Variants in GTF3C1 observed in about 807,000 individuals in gnomAD.
The protein encoded by GTF3C1 is general transcription factor IIIC subunit 1, also known as general transcription factor 3C polypeptide 1.
Under a neutral mutation model 226.7 loss-of-function variants are expected in GTF3C1, and 57 were observed. That is an observed-to-expected ratio of 0.25 (90% confidence interval 0.20 to 0.31). The LOEUF is 0.31. GTF3C1 is among the 10% of genes least tolerant of loss of function. GTF3C1 has a pLI of 1.00. For synonymous variants in GTF3C1, 1,090 were observed against 1,084.8 expected, an observed-to-expected ratio of 1.00 and a Z score of -0.09; for missense variants, 2,217 against 2,776.1, an observed-to-expected ratio of 0.80 and a Z score of 4.53.
chr16:27,497,881 C>T, intron 13 of GTF3C1, 60 bp from the exon 14 acceptor site: 1 of 1,379,742 alleles, frequency 7.2e-7, no homozygotes, highest in East Asian at 2.3e-5. Context: ...AGAGAAAGGA[C>T]AGAGTCTGTC....
chr16:27,534,216 T>A (rs1166303415), intron 4 of GTF3C1, among the ~76,000 whole-genome samples: 2 of 152,236 alleles, frequency 1.3e-5, no homozygotes, highest in African/African-American at 2.4e-5. Context: ...CCATCTCATT[T>A]CTACCGTGAA....
chr16:27,514,364 G>A (rs545003158), intron 6 of GTF3C1, among the ~76,000 whole-genome samples: 87 of 152,334 alleles, frequency 5.7e-4, no homozygotes, highest in African/African-American at 1.9e-3. Flanking sequence ...ATCAGGAGGG[G>A]AAGTATGGGG....
chr16:27,470,353 T>C lies in GTF3C1; in HGVS notation c.4569A>G (p.Ser1523=), dbSNP rs757671345. The C allele has an allele frequency of 6.2e-7, 1 of 1,614,110 alleles. No homozygotes were observed. The highest frequency in any genetic ancestry group is 2.2e-5 in the East Asian group (1 of 44,886). Residue 1523 remains serine (S), a synonymous_variant, in exon 31 of 37, where the codon TCA becomes TCG. Coordinates refer to ENST00000356183, the MANE Select transcript of GTF3C1 (RefSeq NM_001520.4). This position sits in a 1 kb window ranked among gnomAD's most constrained non-coding sequence, Gnocchi z 4.9. The part of the protein sequence containing the change: ...WRFPSTICTE[S]FQFLDRMRAA... Reference sequence around the variant, plus strand: ...CCCGCATTCTGTCCAAAAACTGGAATGACTCCGTGCAGATGGTGCTTGGAA... The same window carrying C: ...CCCGCATTCTGTCCAAAAACTGGAACGACTCCGTGCAGATGGTGCTTGGAA...
chr16:27,532,250 G>A (rs964283438), intron 5 of GTF3C1, among the ~76,000 whole-genome samples: 1 of 152,196 alleles, frequency 6.6e-6, no homozygotes, highest in African/African-American at 2.4e-5. Flanking sequence ...GCTTAGGCAG[G>A]CAGTGAATCT....
chr16:27,488,445 C>G (rs1567393571), intron 22 of GTF3C1, 30 bp from the exon 23 acceptor site: 1 of 1,585,430 alleles, frequency 6.3e-7, no homozygotes, highest in Non-Finnish European at 8.7e-7. Context: ...ACAACAGTTT[C>G]AGGACGAGTG....
At chr16:27,493,743 C>T (rs2088268566) in intron 16 of GTF3C1, among the ~76,000 whole-genome samples, 1 of 152,010 alleles carries the variant, frequency 6.6e-6, no homozygotes. Context: ...AATACCTACT[C>T]AACAGTAGTA....
intron 7 of GTF3C1, 55 bp downstream of exon 7, chr16:27,511,691 GCTT>G: frequency 6.4e-7 from 1 of 1,570,016 alleles, no homozygotes; most frequent in Non-Finnish European, 8.7e-7. Flanking sequence ...TGGGCAAAGC[GCTT>G]CTTGACTCAA....
intron 7 of GTF3C1, among the ~76,000 whole-genome samples, chr16:27,509,601 CA>C (rs1180297267): frequency 6.6e-6 from 1 of 151,166 alleles, no homozygotes; most frequent in Non-Finnish European, 1.5e-5. Context: ...ACTAAAAATA[CA>C]AAAAAATTAG....
intron 19 of GTF3C1, among the ~76,000 whole-genome samples, chr16:27,490,199 C>T (rs2088212434): frequency 6.6e-6 from 1 of 152,230 alleles, no homozygotes; most frequent in African/African-American, 2.4e-5. Flanking sequence ...CTGCACGCAG[C>T]AGGCCTGGGC....
chr16:27,464,192 G>T, intron 34 of GTF3C1, 128 bp downstream of exon 34: 1 of 535,924 alleles, frequency 1.9e-6, no homozygotes, highest in Non-Finnish European at 3.0e-6. Flanking sequence ...CTGAGAAGCT[G>T]AAGTCAAGCC....
intron 26 of GTF3C1, chr16:27,482,395 A>G (rs1370554397): frequency 4.5e-6 from 2 of 441,882 alleles, no homozygotes; most frequent in Non-Finnish European, 9.2e-6. Flanking sequence ...TGTCACTTCC[A>G]TCCAAAAGCA....
At chr16:27,526,807 T>C (rs1390389371) in intron 6 of GTF3C1, among the ~76,000 whole-genome samples, 2 of 152,270 alleles carry the variant, frequency 1.3e-5, no homozygotes, top group Non-Finnish European at 2.9e-5. Flanking sequence ...TGCATATAAA[T>C]GCATATATTC....
rs1306215417 is a variant in GTF3C1, at chr16:27,470,959, C to T, written c.4527-564G>A. Among the ~76,000 whole-genome samples, 4 of 152,234 alleles carry T rather than the reference C, an allele frequency of 2.6e-5. No individual in the cohort carries two copies. The highest frequency in any genetic ancestry group is 4.4e-5 in the Non-Finnish European group (3 of 68,046). ...TGCGGTCAGAGCAGTGTCTCCGTGA[C>T]AAATGGCCTTGTTGGATTTGGGCAC... On this transcript the variant is annotated intron_variant, in intron 30 of 36. Coordinates refer to ENST00000356183, the MANE Select transcript of GTF3C1 (RefSeq NM_001520.4). This position sits in a 1 kb window ranked among gnomAD's most constrained non-coding sequence, Gnocchi z 4.9.
chr16:27,548,379 T>C (rs1229968115), intron 1 of GTF3C1, among the ~76,000 whole-genome samples: 1 of 152,196 alleles, frequency 6.6e-6, no homozygotes, highest in Non-Finnish European at 1.5e-5. Flanking sequence ...GTGATTCTCC[T>C]GCCTCAGCCT....
At chr16:27,510,143 T>C (rs2088551547) in intron 7 of GTF3C1, among the ~76,000 whole-genome samples, 1 of 152,112 alleles carries the variant, frequency 6.6e-6, no homozygotes, top group African/African-American at 2.4e-5. Flanking sequence ...CCCAGCACTT[T>C]AGGAGGCCGA....
chr16:27,505,110 A>G (rs2088464684), intron 10 of GTF3C1, among the ~76,000 whole-genome samples: 1 of 152,124 alleles, frequency 6.6e-6, no homozygotes. Flanking sequence ...TTGACATGGT[A>G]TTAGGTGAAC....
At chr16:27,476,582 A>G (rs1169106813) in intron 28 of GTF3C1, 38 bp from the exon 29 acceptor site, 3 of 1,160,778 alleles carry the variant, frequency 2.6e-6, no homozygotes, top group Non-Finnish European at 3.9e-6. Context: ...ATGAGACCAC[A>G]GGCACTGCTC....
At chr16:27,529,409 C>T (rs2088881686) in intron 5 of GTF3C1, among the ~76,000 whole-genome samples, 1 of 150,536 alleles carries the variant, frequency 6.6e-6, no homozygotes, top group African/African-American at 2.4e-5. Context: ...CCACTGCACT[C>T]CAGCCTGGGT....
chr16:27,511,639 C>A, intron 7 of GTF3C1, 110 bp downstream of exon 7: 2 of 1,170,930 alleles, frequency 1.7e-6, no homozygotes, highest in South Asian at 3.1e-5. Flanking sequence ...AGGCACTTCC[C>A]ATTGTATTAC....
Sources: gnomAD v4.1 joint callset for allele counts (sites outside exome capture counted in the v4.1 genomes callset) on GRCh38, gnomAD v4.1.1 for gene constraint, Gnocchi (gnomAD v3.1) non-coding constraint, MANE v1.5 for transcripts, NCBI Gene and HGNC (gene_info 2026-07-23, HGNC 2026-07-21) for gene names.